Variants in CTNNA3 observed in about 807,000 individuals in gnomAD.
CTNNA3 encodes the protein catenin alpha-3.
In CTNNA3, 76 loss-of-function variants were observed where a neutral mutation model predicts 95.7. That is an observed-to-expected ratio of 0.79 (90% CI 0.66 to 0.96). The LOEUF is 0.96. Ranked by LOEUF, CTNNA3 falls within the 40% of genes least tolerant of loss-of-function variation. CTNNA3 has a pLI of 0.00. For missense variants in CTNNA3, 1,191 were observed against 1,089.8 expected (o/e 1.09, Z -1.31); for synonymous variants, 431 against 374.4 (o/e 1.15, Z -1.74).
intron 15 of CTNNA3, among the ~76,000 whole-genome samples, chr10:66,029,837 A>C (rs560178355): frequency 4.6e-5 from 7 of 152,334 alleles, no homozygotes; most frequent in African/African-American, 1.7e-4. Flanking sequence ...GAAGTTCTTC[A>C]TGAGTGGCAC....
intron 9 of CTNNA3, among the ~76,000 whole-genome samples, chr10:66,712,294 C>A (rs1194561019): frequency 6.6e-6 from 1 of 151,938 alleles, no homozygotes; most frequent in Non-Finnish European, 1.5e-5. Flanking sequence ...AGTTATTTCC[C>A]CTAGGCAGTT....
intron 7 of CTNNA3, among the ~76,000 whole-genome samples, chr10:66,882,859 C>T (rs1231731712): frequency 1.3e-5 from 2 of 152,150 alleles, no homozygotes; most frequent in East Asian, 3.9e-4. Flanking sequence ...TAACTTTGGC[C>T]TAATTGCTTT....
intron 7 of CTNNA3, among the ~76,000 whole-genome samples, chr10:67,054,135 G>A (rs771136836): frequency 1.1e-4 from 16 of 151,898 alleles, no homozygotes; most frequent in Non-Finnish European, 1.3e-4. Context: ...ACATATTCAC[G>A]TAAGAAGGCA....
At chr10:66,904,910 T>A (rs2132538922) in intron 7 of CTNNA3, among the ~76,000 whole-genome samples, 1 of 152,332 alleles carries the variant, frequency 6.6e-6, no homozygotes, top group African/African-American at 2.4e-5. Flanking sequence ...GGAACGCTTT[T>A]ACACCGTTGA....
At chr10:66,110,114 AC>A (rs1019883635) in intron 13 of CTNNA3, among the ~76,000 whole-genome samples, 12 of 152,036 alleles carry the variant, frequency 7.9e-5, no homozygotes, top group Non-Finnish European at 7.4e-5. Context: ...TAATCCCAGA[AC>A]TTTGGGAGGC....
At chr10:67,069,333 T>C (rs989852921) in intron 7 of CTNNA3, among the ~76,000 whole-genome samples, 2 of 152,008 alleles carry the variant, frequency 1.3e-5, no homozygotes, top group Non-Finnish European at 2.9e-5. Context: ...CCTTCCAAAG[T>C]CTCCCTTACA....
chr10:67,199,013 G>C lies in CTNNA3; in HGVS notation c.844-18493C>G, dbSNP rs185086988. Among the ~76,000 whole-genome samples, 168 of 151,840 alleles carry C rather than the reference G, an allele frequency of 1.1e-3. 2 individuals carry two copies. Among genetic ancestry groups the C allele is most frequent in the African/African-American group, 4.0e-3 (165 of 41,378 alleles). On this transcript the variant is annotated intron_variant, in intron 6 of 17. Transcript: ENST00000433211. ...GATGGAGGAGGAGAAAGGAAGGAGA[G>C]AAAGAGGAGGGAGATGTAAAAAAAA...
chr10:67,253,754 A>G (rs896232602), intron 5 of CTNNA3, among the ~76,000 whole-genome samples: 1 of 152,204 alleles, frequency 6.6e-6, no homozygotes, highest in African/African-American at 2.4e-5. Context: ...CATAAATGAA[A>G]AACGATGGTG....
chr10:65,932,497 G>T (rs2077270573), intron 17 of CTNNA3, among the ~76,000 whole-genome samples: 1 of 152,082 alleles, frequency 6.6e-6, no homozygotes, highest in African/African-American at 2.4e-5. Flanking sequence ...ATTAGATAAG[G>T]TATCTAAGAA....
intron 7 of CTNNA3, among the ~76,000 whole-genome samples, chr10:67,027,509 A>G (rs1025980264): frequency 7.2e-6 from 1 of 139,028 alleles, no homozygotes; most frequent in Non-Finnish European, 1.5e-5. Context: ...ATCTCGGCTC[A>G]CTGCAACCTC....
chr10:66,965,964 C>A (rs1419539470), intron 7 of CTNNA3, among the ~76,000 whole-genome samples: 1 of 152,090 alleles, frequency 6.6e-6, no homozygotes, highest in African/African-American at 2.4e-5. Context: ...TGGAGAGGGG[C>A]CTGAAATTAA....
intron 1 of CTNNA3, among the ~76,000 whole-genome samples, chr10:67,742,770 A>C (rs1026666413): frequency 6.6e-6 from 1 of 151,192 alleles, no homozygotes; most frequent in African/African-American, 2.4e-5. Flanking sequence ...CTAATAAGGA[A>C]GAAAAGAGAG....
At chr10:66,561,934 TGAGGGG>T (rs1842565834) in intron 10 of CTNNA3, among the ~76,000 whole-genome samples, 2 of 151,968 alleles carry the variant, frequency 1.3e-5, no homozygotes, top group Admixed American at 6.6e-5. Context: ...CGATGGTTTG[TGAGGGG>T]GAGATCAAAG....
intron 17 of CTNNA3, among the ~76,000 whole-genome samples, chr10:65,951,520 T>G (rs1020952808): frequency 1.3e-5 from 2 of 152,136 alleles, no homozygotes; most frequent in Non-Finnish European, 2.9e-5. Flanking sequence ...TTATTAATAC[T>G]GTGCTCTAGT....
chr10:67,539,869 G>A (rs1251746125), intron 3 of CTNNA3, among the ~76,000 whole-genome samples, 200 bp from the exon 4 acceptor site: 1 of 152,002 alleles, frequency 6.6e-6, no homozygotes, highest in Non-Finnish European at 1.5e-5. Context: ...GAATTAAGAA[G>A]CATAATATCA....
chr10:67,727,338 GTATAT>G (rs1317741703), intron 1 of CTNNA3, among the ~76,000 whole-genome samples: 2 of 127,064 alleles, frequency 1.6e-5, no homozygotes, highest in African/African-American at 5.8e-5. Flanking sequence ...ATATATTATT[GTATAT>G]TATATATATC....
intron 7 of CTNNA3, among the ~76,000 whole-genome samples, chr10:66,948,120 T>C (rs11815256): frequency 8.9e-4 from 136 of 152,314 alleles, no homozygotes; most frequent in African/African-American, 3.2e-3. Context: ...CACCATCATA[T>C]ATGTAGTCCC....
At chr10:66,621,548 C>A (rs541805146) in intron 10 of CTNNA3, 144 bp downstream of exon 10, 45 of 493,386 alleles carry the variant, frequency 9.1e-5, no homozygotes, top group Middle Eastern at 5.5e-4. Context: ...GTCGAGATTG[C>A]GCCACTGCAT....
chr10:67,397,568 A>AT (rs1844752172), intron 5 of CTNNA3, among the ~76,000 whole-genome samples: 2 of 152,186 alleles, frequency 1.3e-5, no homozygotes, highest in African/African-American at 2.4e-5. Context: ...AGAAAAGCCC[A>AT]TTTTCTGGGG....
Sources: gnomAD v4.1 joint callset for allele counts (sites outside exome capture counted in the v4.1 genomes callset) on GRCh38, gnomAD v4.1.1 for gene constraint, MANE v1.5 for transcripts, NCBI Gene and HGNC (gene_info 2026-07-23, HGNC 2026-07-21) for gene names.